RB1: variants seen among roughly 807,000 people sequenced by gnomAD.
The protein encoded by RB1 is retinoblastoma-associated protein.
RB1 carries 18 observed loss-of-function variants against 135.4 expected under a neutral mutation model. The observed-to-expected ratio is 0.13, with a 90% CI of 0.09 to 0.20. RB1 has a LOEUF of 0.20. Ranked by LOEUF, RB1 falls within the 10% of genes least tolerant of loss-of-function variation. The pLI, the probability that RB1 is intolerant of heterozygous loss-of-function variation, is 1.00. For missense variants in RB1, 868 were observed against 1,110.0 expected, an observed-to-expected ratio of 0.78 and a Z score of 3.10; for synonymous variants, 365 against 373.2, an observed-to-expected ratio of 0.98 and a Z score of 0.25.
chr13:48,348,588 CTA>C (rs1292300755), intron 5 of RB1, among the ~76,000 whole-genome samples: 1 of 151,154 alleles, frequency 6.6e-6, no homozygotes, highest in Non-Finnish European at 1.5e-5. Flanking sequence ...TTATAACATA[CTA>C]TGTTTTTTAT....
chr13:48,447,182 A>G (rs1949294423), intron 17 of RB1, among the ~76,000 whole-genome samples: 1 of 152,218 alleles, frequency 6.6e-6, no homozygotes, highest in South Asian at 2.1e-4. Context: ...GCTTTGGGCA[A>G]CTGGATACAA....
intron 4 of RB1, among the ~76,000 whole-genome samples, chr13:48,345,715 C>T (rs4151465): frequency 0.01 from 1,595 of 152,276 alleles, 74 homozygotes; most frequent in Admixed American, 0.08. Context: ...AACTGTACTT[C>T]CCTACCCCAA....
intron 17 of RB1, among the ~76,000 whole-genome samples, chr13:48,443,679 T>G (rs912699414): frequency 1.1e-4 from 16 of 152,222 alleles, no homozygotes; most frequent in African/African-American, 3.6e-4. Context: ...GTCAGTTTAG[T>G]GTTCAGGGCA....
At chr13:48,370,193 G>T (rs754963516) in intron 11 of RB1, among the ~76,000 whole-genome samples, 1 of 152,156 alleles carries the variant, frequency 6.6e-6, no homozygotes, top group Non-Finnish European at 1.5e-5. Flanking sequence ...TGTTCAAAGG[G>T]CTGGAATTGT....
rs751870680 is a variant in RB1, at chr13:48,307,380, A to G, written c.238A>G (p.Lys80Glu). Reference sequence around the variant, plus strand: ...AGAGAGAGCTTGGTTAACTTGGGAGAAAGTTTCATCTGTGGATGGAGTATT... The same window carrying G: ...AGAGAGAGCTTGGTTAACTTGGGAGGAAGTTTCATCTGTGGATGGAGTATT... ...VRERAWLTWE[K>E]VSSVDGVLGG... Residue 80 changes from lysine to glutamate, a missense_variant, in exon 2 of 27, where the codon AAA (lysine) becomes GAA (glutamate). Lys to Glu is a moderately conservative substitution (Grantham distance 56). Coordinates refer to ENST00000267163, the MANE Select transcript of RB1 (RefSeq NM_000321.3). 1.2e-5 allele frequency: 19 copies of G among 1,613,454 alleles called. No individual in the cohort carries two copies. Among genetic ancestry groups the G allele is most frequent in the Non-Finnish European group, 1.6e-5 (19 of 1,179,668 alleles).
intron 19 of RB1, among the ~76,000 whole-genome samples, 174 bp from the exon 20 acceptor site, chr13:48,459,514 A>C (rs1445102479): frequency 6.6e-6 from 1 of 152,168 alleles, no homozygotes; most frequent in Admixed American, 6.5e-5. Flanking sequence ...AATATGCCTC[A>C]TAATAAACCA....
chr13:48,463,178 A>G (rs1274428825), intron 20 of RB1, among the ~76,000 whole-genome samples: 1 of 152,236 alleles, frequency 6.6e-6, no homozygotes, highest in Non-Finnish European at 1.5e-5. Flanking sequence ...ATTGAAATGT[A>G]ATACACATAT....
chr13:48,388,200 G>C (rs982777466), intron 17 of RB1, among the ~76,000 whole-genome samples: 4 of 152,114 alleles, frequency 2.6e-5, no homozygotes, highest in Non-Finnish European at 5.9e-5. Flanking sequence ...ATTACATAAG[G>C]GTAAAGAACA....
At chr13:48,360,359 G>A in intron 7 of RB1, 6 of 829,408 alleles carry the variant, frequency 7.2e-6, no homozygotes, top group East Asian at 3.7e-5. Flanking sequence ...TGGAGGTTTG[G>A]GAGACAAGAA....
intron 6 of RB1, among the ~76,000 whole-genome samples, chr13:48,349,243 T>A (rs1022375477): frequency 6.6e-6 from 1 of 151,824 alleles, no homozygotes; most frequent in African/African-American, 2.4e-5. Context: ...CTTCCCTCCC[T>A]TTCTTTTTTT....
chr13:48,305,130 C>A (rs944523775), intron 1 of RB1, among the ~76,000 whole-genome samples: 15 of 152,148 alleles, frequency 9.9e-5, no homozygotes, highest in Non-Finnish European at 2.2e-4. Flanking sequence ...AAGTTCATTG[C>A]AGAGGGAATG....
At chr13:48,330,149 C>T (rs58658780) in intron 2 of RB1, among the ~76,000 whole-genome samples, 11,062 of 151,382 alleles carry the variant, frequency 0.073, 1,084 homozygotes, top group African/African-American at 0.22. Flanking sequence ...GGAAACAGCA[C>T]ATCAAGATTT....
intron 6 of RB1, among the ~76,000 whole-genome samples, chr13:48,352,202 G>GA (rs935460075): frequency 2.6e-5 from 4 of 151,802 alleles, no homozygotes; most frequent in South Asian, 2.1e-4. Context: ...ACATTATTCT[G>GA]AAAAAAATGT....
At chr13:48,359,353 G>T (rs947076797) in intron 6 of RB1, among the ~76,000 whole-genome samples, 2 of 150,274 alleles carry the variant, frequency 1.3e-5, no homozygotes, top group African/African-American at 4.9e-5. Flanking sequence ...TAATGGTTTT[G>T]GTTATTGTAA....
In RB1 at chr13:48,342,650, G is replaced by T. The variant is rs1210328667; in HGVS notation, c.316G>T (p.Ala106Ser). The T allele has an allele frequency of 1.9e-6, 3 of 1,612,698 alleles. No individual in the cohort carries two copies. In the African/African-American group the frequency reaches 4.0e-5, roughly 22 times the overall value. Residue 106 changes from alanine (A) to serine (S), a missense_variant, in exon 3 of 27, where the codon GCA (alanine) becomes TCA (serine). Ala to Ser is a moderately conservative substitution (Grantham distance 99, BLOSUM62 1). Transcript: ENST00000267163. Reference protein sequence around the residue: ...KELWGICIFIAAVDLDEMSFT... With the variant: ...KELWGICIFISAVDLDEMSFT... ...ACTGTGGGGAATCTGTATCTTTATT[G>T]CAGCAGTTGACCTAGATGAGATGTC...
At position 48,373,627 on chromosome 13, in the gene RB1, T is replaced by G. The variant is rs186316344; in HGVS notation, c.1215+135T>G. 117 of 591,710 alleles carry G rather than the reference T, an allele frequency of 2.0e-4. 1 individual carries two copies. Among genetic ancestry groups the G allele is most frequent in the East Asian group, 1.4e-3 (48 of 34,472 alleles). The allele number at this position is 591,710 out of a possible 1,614,324, so 36.7% of individuals were successfully genotyped here. ...TAGTTATCCATAATCTTTTCTTGCT[T>G]TTTTAATCTTACAAATTATATATTA... is the stretch of plus-strand genomic sequence containing the variant. On this transcript the variant is annotated intron_variant, in intron 12 of 26. Transcript: ENST00000267163.
intron 2 of RB1, chr13:48,318,289 G>A: frequency 9.0e-7 from 1 of 1,109,500 alleles, no homozygotes; most frequent in Middle Eastern, 2.8e-4. Context: ...AGCCCGCCCA[G>A]CTGCTCCAGG....
chr13:48,368,688 T>C, intron 11 of RB1, 84 bp downstream of exon 11: 2 of 1,532,444 alleles, frequency 1.3e-6, no homozygotes, highest in Non-Finnish European at 8.8e-7. Flanking sequence ...CGTTTCTTTA[T>C]GTATTCATAC....
At chr13:48,348,613 T>G (rs1018485563) in intron 5 of RB1, among the ~76,000 whole-genome samples, 3 of 151,642 alleles carry the variant, frequency 2.0e-5, no homozygotes, top group African/African-American at 7.2e-5. Context: ...ATTTTTATAT[T>G]AGAATTGAAA....
Sources: allele counts gnomAD v4.1 joint callset (sites outside exome capture counted in the v4.1 genomes callset), GRCh38; gene constraint gnomAD v4.1.1; transcripts MANE v1.5; gene names NCBI Gene and HGNC (gene_info 2026-07-23, HGNC 2026-07-21).